The following DGKB variants were observed in gnomAD, a reference collection of about 807,000 sequenced individuals.
DGKB encodes 90 kDa diacylglycerol kinase.
A neutral mutation model predicts 114.3 loss-of-function variants in DGKB; 67 were observed. That is an observed-to-expected ratio of 0.59 (90% CI 0.48 to 0.72). DGKB has a LOEUF of 0.72. DGKB is among the 30% of genes least tolerant of loss of function. The probability of loss-of-function intolerance (pLI) is 0.00; values close to 1 mark genes in which losing one functional copy is unlikely to be tolerated. For synonymous variants in DGKB, 398 were observed against 323.1 expected (o/e 1.23, Z -2.49); for missense variants, 907 against 975.2 (o/e 0.93, Z 0.93).
intron 21 of DGKB, among the ~76,000 whole-genome samples, chr7:14,424,558 C>T (rs1827215273): frequency 6.6e-6 from 1 of 152,054 alleles, no homozygotes; most frequent in African/African-American, 2.4e-5. Flanking sequence ...TGTATTATAT[C>T]TGCTATTTCA....
At chr7:14,560,899 G>A (rs554299944) in intron 20 of DGKB, among the ~76,000 whole-genome samples, 1 of 152,134 alleles carries the variant, frequency 6.6e-6, no homozygotes. Context: ...GCAGGTATGA[G>A]ATGATATCTC....
intron 1 of DGKB, among the ~76,000 whole-genome samples, chr7:14,880,741 C>T (rs1244334144): frequency 6.6e-6 from 1 of 152,122 alleles, no homozygotes; most frequent in Non-Finnish European, 1.5e-5. Context: ...AAACTAACGA[C>T]GTCTCTAGGA....
intron 20 of DGKB, among the ~76,000 whole-genome samples, chr7:14,540,305 G>C (rs1793211057): frequency 6.6e-6 from 1 of 151,924 alleles, no homozygotes; most frequent in South Asian, 2.1e-4. Context: ...CCTTGCCTTT[G>C]GCAAAAATAA....
rs746916880 is a variant in DGKB, at chr7:14,572,451, C to T, written c.1770+1761G>A. ...TGGGTGACAGAGCGAGACACCATCTCAAAAAAAAAGAAAAAAAAAAGAATA... is the reference window on the plus strand; with the variant it reads ...TGGGTGACAGAGCGAGACACCATCTTAAAAAAAAAGAAAAAAAAAAGAATA... On this transcript the variant is annotated intron_variant, in intron 20 of 25. Transcript: ENST00000402815. Among the ~76,000 whole-genome samples the T allele has an allele frequency of 5.1e-4, 67 of 131,434 alleles. No individual in the cohort carries two copies. The Middle Eastern group carries it at 0.017, about 34-fold the overall frequency. 86.2% of individuals were successfully genotyped at this position (131,434 alleles called of 152,430 possible).
intron 17 of DGKB, among the ~76,000 whole-genome samples, chr7:14,591,707 T>C (rs1052658427): frequency 6.6e-6 from 1 of 152,056 alleles, no homozygotes; most frequent in African/African-American, 2.4e-5. Context: ...CTAATGTTAA[T>C]TGTTCTTACC....
At chr7:14,616,636 G>A (rs139064255) in intron 15 of DGKB, among the ~76,000 whole-genome samples, 1 of 151,648 alleles carries the variant, frequency 6.6e-6, no homozygotes, top group Non-Finnish European at 1.5e-5. Flanking sequence ...TACAGCATTT[G>A]AGATCATCTG....
rs557971037 is a variant in DGKB, at chr7:14,653,973, A to T, written c.1134+18956T>A. Among the ~76,000 whole-genome samples the T allele has an allele frequency of 4.6e-5, 7 of 152,238 alleles. No homozygotes were observed. The South Asian group carries it at 1.5e-3, about 32-fold the overall frequency. On this transcript the variant is annotated intron_variant, in intron 13 of 25. Transcript: ENST00000402815. ...TAAAGCATTTTCTACAAGAACTGGA[A>T]TAGGACAAGTATGCCTACTTTTACC...
intron 21 of DGKB, among the ~76,000 whole-genome samples, chr7:14,443,414 T>C (rs1830334021): frequency 6.6e-6 from 1 of 152,186 alleles, no homozygotes; most frequent in African/African-American, 2.4e-5. Context: ...AAATAAATTT[T>C]AGCACTTCCT....
Position 14,217,478 on chromosome 7 carries a change from TG to T in DGKB, c.2123-39328del, listed in dbSNP as rs1461230993. 2.0e-5 allele frequency among the ~76,000 whole-genome samples: 3 copies of T among 152,250 alleles called. No homozygotes were observed. The East Asian group carries it at 5.8e-4, about 29-fold the overall frequency. The stretch of plus-strand genomic sequence containing the variant: ...AAAATCATCACAAATCATTCTTGGT[TG>T]TTTATCTGGACAAGTGTTCTCAACT... On this transcript the variant is annotated intron_variant, in intron 23 of 25. Transcript: ENST00000402815.
intron 13 of DGKB, among the ~76,000 whole-genome samples, chr7:14,646,848 A>G (rs1813129990): frequency 6.6e-6 from 1 of 151,908 alleles, no homozygotes; most frequent in Non-Finnish European, 1.5e-5. Context: ...GGAAGATTAC[A>G]CCAATGAACA....
rs189706472 is a variant in DGKB, at chr7:14,277,107, C to T, written c.2122+61408G>A. Among the ~76,000 whole-genome samples the T allele has an allele frequency of 1.5e-4, 23 of 152,188 alleles. 1 individual carries two copies. The East Asian group carries it at 2.1e-3, about 14-fold the overall frequency. On this transcript the variant is annotated intron_variant, in intron 23 of 25. Transcript: ENST00000402815. ...AAATATCTAATTGAAATTTTATACC[C>T]TTTGACCAACAACTCGTTATTCCTT...
At chr7:14,579,502 T>A (rs1799624479) in intron 19 of DGKB, among the ~76,000 whole-genome samples, 1 of 152,212 alleles carries the variant, frequency 6.6e-6, no homozygotes, top group Non-Finnish European at 1.5e-5. Context: ...GCAAGAAGAC[T>A]CACATATTTT....
chr7:14,948,007 G>A lies in DGKB; in HGVS notation c.-188+26689C>T, dbSNP rs527956209. 2.6e-5 allele frequency among the ~76,000 whole-genome samples: 4 copies of A among 151,772 alleles called. No individual in the cohort carries two copies. In the East Asian group the frequency reaches 5.8e-4, roughly 22 times the overall value. ...CAACACACCTGAAGCAACAGTTTACGTGGTTGCTCAGAGGGAATGGTTATA... is the reference window on the plus strand; with the variant it reads ...CAACACACCTGAAGCAACAGTTTACATGGTTGCTCAGAGGGAATGGTTATA... On this transcript the variant is annotated intron_variant, in intron 1 of 4. Transcript: ENST00000437998.
chr7:14,944,012 C>T (rs559830078), intron 1 of DGKB, among the ~76,000 whole-genome samples: 5 of 151,954 alleles, frequency 3.3e-5, no homozygotes, highest in African/African-American at 1.2e-4. Context: ...ATTAACACAG[C>T]GGAGTTTTCT....
At chr7:14,528,390 G>A (rs1257111248) in intron 20 of DGKB, among the ~76,000 whole-genome samples, 4 of 152,022 alleles carry the variant, frequency 2.6e-5, no homozygotes, top group Non-Finnish European at 5.9e-5. Context: ...TAATTGCTCT[G>A]TAATTACATG....
rs151291732 is a variant in DGKB, at chr7:14,351,552, T to G, written c.1836-6161A>C. 7.1e-3 allele frequency among the ~76,000 whole-genome samples: 1,076 copies of G among 152,312 alleles called. 8 individuals are homozygous for G. Among genetic ancestry groups the G allele is most frequent in the African/African-American group, 0.02 (847 of 41,566 alleles). On this transcript the variant is annotated intron_variant, in intron 21 of 25. Transcript: ENST00000402815. ...ATGAACTATGGCCACAGGTATTTGT[T>G]AGGAACTAAGTCCTGGCCCAGTTGA...
chr7:14,225,486 A>T (rs1790649003), intron 23 of DGKB, among the ~76,000 whole-genome samples: 1 of 152,084 alleles, frequency 6.6e-6, no homozygotes, highest in Non-Finnish European at 1.5e-5. Context: ...TTCACCAAGG[A>T]GTGGGTCCAC....
At chr7:14,799,207 A>G (rs1211465782) in intron 2 of DGKB, among the ~76,000 whole-genome samples, 3 of 152,328 alleles carry the variant, frequency 2.0e-5, no homozygotes, top group East Asian at 3.9e-4. Context: ...TTAATCTGAC[A>G]AAGGCCTTTT....
intron 21 of DGKB, among the ~76,000 whole-genome samples, chr7:14,348,084 C>G (rs1812780792): frequency 6.6e-6 from 1 of 151,904 alleles, no homozygotes; most frequent in African/African-American, 2.4e-5. Context: ...GACATTGATA[C>G]AGTTAAGATG....
Sources: allele counts gnomAD v4.1 joint callset (sites outside exome capture counted in the v4.1 genomes callset), GRCh38; gene constraint gnomAD v4.1.1; transcripts MANE v1.5; gene names NCBI Gene and HGNC (gene_info 2026-07-23, HGNC 2026-07-21).